GRM8: variants seen among roughly 807,000 people sequenced by gnomAD.
GRM8 encodes the protein metabotropic glutamate receptor 8.
In GRM8, 47 loss-of-function variants were observed where a neutral mutation model predicts 87.2. That is an observed-to-expected ratio of 0.54 (90% CI 0.43 to 0.69). GRM8 has a LOEUF of 0.69. Among genes scored for constraint, GRM8 ranks in the 30% least tolerant of loss-of-function variants. The pLI is 0.00. For missense variants in GRM8, 1,019 were observed against 1,139.2 expected (o/e 0.89, Z 1.52); for synonymous variants, 396 against 404.5 (o/e 0.98, Z 0.25).
At chr7:127,209,042 G>A (rs1452943334) in intron 2 of GRM8, among the ~76,000 whole-genome samples, 1 of 152,152 alleles carries the variant, frequency 6.6e-6, no homozygotes, top group East Asian at 1.9e-4. Flanking sequence ...AGTTCTGCTT[G>A]GTGCTGCTGC....
rs1040311342 is a variant in GRM8, at chr7:126,685,148, C to G, written c.1358-75650G>C. Among the ~76,000 whole-genome samples, 6 of 152,210 alleles carry G rather than the reference C, an allele frequency of 3.9e-5. No individual in the cohort carries two copies. Among genetic ancestry groups the G allele is most frequent in the Admixed American group, 1.3e-4 (2 of 15,286 alleles). On this transcript the variant is annotated intron_variant, in intron 7 of 10. Coordinates refer to ENST00000339582, the MANE Select transcript of GRM8 (RefSeq NM_000845.3). The surrounding 1 kb of genome is among the most constrained non-coding windows in gnomAD (Gnocchi z 4.2). ...CCCCGCTTGCCACTCTTGACAGCCA[C>G]TGCTATGGGGAGTTCATGGGGAAGA...
At chr7:126,897,241 T>A (rs1378591013) in intron 6 of GRM8, among the ~76,000 whole-genome samples, 1 of 152,100 alleles carries the variant, frequency 6.6e-6, no homozygotes, top group Non-Finnish European at 1.5e-5. Context: ...TCTACAATAT[T>A]CACTATTGGG....
intron 6 of GRM8, among the ~76,000 whole-genome samples, chr7:126,816,633 G>A (rs948274072): frequency 1.3e-5 from 2 of 152,002 alleles, no homozygotes; most frequent in Non-Finnish European, 2.9e-5. Flanking sequence ...ATGTCATGAT[G>A]ATGATGATGA....
chr7:127,068,357 G>A (rs2402851), intron 3 of GRM8, among the ~76,000 whole-genome samples: 72,212 of 151,952 alleles, frequency 0.48, 18,382 homozygotes, highest in Non-Finnish European at 0.59. Context: ...TAAGAATGCC[G>A]TGCCTAGTGC....
chr7:126,490,799 T>C (rs753446407), intron 9 of GRM8, among the ~76,000 whole-genome samples: 13 of 152,116 alleles, frequency 8.5e-5, no homozygotes, highest in Non-Finnish European at 1.6e-4. Flanking sequence ...TTATGCAGCT[T>C]ACACTACATT....
At chr7:126,803,066 T>C (rs1304454688) in intron 6 of GRM8, among the ~76,000 whole-genome samples, 1 of 152,218 alleles carries the variant, frequency 6.6e-6, no homozygotes, top group Non-Finnish European at 1.5e-5. Context: ...TTCCAAATAG[T>C]CACTTATCTA....
chr7:126,607,759 A>C (rs1314634565), intron 8 of GRM8, among the ~76,000 whole-genome samples: 1 of 151,972 alleles, frequency 6.6e-6, no homozygotes, highest in African/African-American at 2.4e-5. Context: ...AAGGTTAGTT[A>C]CATATGTATA....
intron 8 of GRM8, among the ~76,000 whole-genome samples, chr7:126,581,888 ATGT>A (rs1795646482): frequency 1.3e-5 from 2 of 152,252 alleles, no homozygotes; most frequent in South Asian, 2.1e-4. Context: ...TAACTGATAA[ATGT>A]TGTGTGTTCT....
intron 2 of GRM8, among the ~76,000 whole-genome samples, chr7:127,233,278 T>C (rs1050997209): frequency 6.6e-6 from 1 of 152,216 alleles, no homozygotes; most frequent in Non-Finnish European, 1.5e-5. Flanking sequence ...CATATTAATC[T>C]ATTTTACTCA....
intron 6 of GRM8, among the ~76,000 whole-genome samples, chr7:126,894,688 G>C (rs1801377518): frequency 6.6e-6 from 1 of 151,984 alleles, no homozygotes; most frequent in Non-Finnish European, 1.5e-5. Context: ...AAAACATACT[G>C]GCCCATATAC....
intron 9 of GRM8, among the ~76,000 whole-genome samples, chr7:126,449,956 C>T (rs1417301811): frequency 6.6e-6 from 1 of 151,802 alleles, no homozygotes; most frequent in African/African-American, 2.4e-5. Flanking sequence ...GCCCCATGGA[C>T]ATTTTGAACC....
chr7:126,679,423 G>C (rs1319235995), intron 7 of GRM8, among the ~76,000 whole-genome samples: 1 of 152,138 alleles, frequency 6.6e-6, no homozygotes, highest in Non-Finnish European at 1.5e-5. Context: ...TTAAGGGCTG[G>C]AAGAACTCTA....
intron 3 of GRM8, among the ~76,000 whole-genome samples, chr7:127,069,431 T>C (rs1032209163): frequency 6.6e-6 from 1 of 152,202 alleles, no homozygotes; most frequent in African/African-American, 2.4e-5. Context: ...CCCAAAGTGC[T>C]GGGATTACAG....
intron 1 of GRM8, among the ~76,000 whole-genome samples, chr7:127,247,417 G>C (rs1395441083): frequency 6.6e-6 from 1 of 152,230 alleles, no homozygotes; most frequent in Non-Finnish European, 1.5e-5. Context: ...GGCCAAAGCA[G>C]CATTCCTATG....
intron 3 of GRM8, among the ~76,000 whole-genome samples, chr7:126,993,912 A>C (rs1290128600): frequency 2.0e-5 from 3 of 152,184 alleles, no homozygotes; most frequent in Non-Finnish European, 4.4e-5. Flanking sequence ...AGTCGAGGAC[A>C]CAAGGACTGC....
chr7:127,154,903 T>C (rs559230229), intron 2 of GRM8, among the ~76,000 whole-genome samples: 129 of 152,274 alleles, frequency 8.5e-4, no homozygotes, highest in Non-Finnish European at 1.6e-3. Context: ...TTTAAAGATG[T>C]ATAAAATATA....
At chr7:126,632,923 G>A (rs147533804) in intron 7 of GRM8, among the ~76,000 whole-genome samples, 64 of 151,914 alleles carry the variant, frequency 4.2e-4, no homozygotes, top group African/African-American at 9.2e-4. Flanking sequence ...ATAGAGACAC[G>A]TTTTTTTAAA....
At position 126,823,893 on chromosome 7, in the gene GRM8, T is replaced by G. The variant is rs1207897577; in HGVS notation, c.1157-53828A>C. 3.3e-5 allele frequency among the ~76,000 whole-genome samples: 5 copies of G among 152,182 alleles called. No individual in the cohort carries two copies. In the East Asian group the frequency reaches 9.6e-4, roughly 29 times the overall value. On this transcript the variant is annotated intron_variant, in intron 6 of 10. Coordinates refer to ENST00000339582, the MANE Select transcript of GRM8 (RefSeq NM_000845.3). ...CCACATTCCAGGTCCTAAATTTGCCTTCTCTCCTAGCTGCAAATTTGGTGG... is the reference window on the plus strand; with the variant it reads ...CCACATTCCAGGTCCTAAATTTGCCGTCTCTCCTAGCTGCAAATTTGGTGG...
At chr7:127,193,315 A>T (rs1045099844) in intron 2 of GRM8, among the ~76,000 whole-genome samples, 1 of 152,196 alleles carries the variant, frequency 6.6e-6, no homozygotes, top group Non-Finnish European at 1.5e-5. Context: ...ACCTCCATCA[A>T]TGTCCAATCA....
Sources: gnomAD v4.1 joint callset for allele counts (sites outside exome capture counted in the v4.1 genomes callset) on GRCh38, gnomAD v4.1.1 for gene constraint, Gnocchi (gnomAD v3.1) non-coding constraint, MANE v1.5 for transcripts, NCBI Gene and HGNC (gene_info 2026-07-23, HGNC 2026-07-21) for gene names.